Variants in AGAP9 observed in about 807,000 individuals in gnomAD.
The protein encoded by AGAP9 is arf-GAP with GTPase, ANK repeat and PH domain-containing protein 9.
A neutral mutation model predicts 55.6 loss-of-function variants in AGAP9; 23 were observed. That is an observed-to-expected ratio of 0.41 (90% CI 0.30 to 0.59). The LOEUF is 0.59. AGAP9 is among the 20% of genes least tolerant of loss of function. The pLI is 0.25. For synonymous variants in AGAP9, 120 were observed against 305.0 expected, an observed-to-expected ratio of 0.39 and a Z score of 6.32; for missense variants, 309 against 808.1, an observed-to-expected ratio of 0.38 and a Z score of 7.49.
chr10:47,519,429 T>C (rs1384941576), intron 3 of AGAP9, among the ~76,000 whole-genome samples: 3 of 122,078 alleles, frequency 2.5e-5, no homozygotes, highest in Non-Finnish European at 3.4e-5. Flanking sequence ...GATTGTGCCA[T>C]TGCACTCCAG....
In AGAP9 at chr10:47,502,749, G is replaced by A. The variant is rs2132470630; in HGVS notation, c.1380C>T (p.Ser460=). ...ACTGCAGGGCCATGGCCTCACTCTG[G>A]CTGGTCAGCTGGGACTTGCTTTTAC... is the stretch of plus-strand genomic sequence containing the variant. The part of the protein sequence containing the change: ...KSSKSKSQLT[S]QSEAMALQSI... The change falls in exon 8 of 8, where the codon AGC becomes AGT. Residue 460 remains serine, a synonymous_variant. Coordinates refer to ENST00000452145, the MANE Select transcript of AGAP9 (RefSeq NM_001190810.1). 4.4e-6 allele frequency: 7 copies of A among 1,591,170 alleles called. No homozygotes were observed. The East Asian group carries it at 1.4e-4, about 32-fold the overall frequency.
chr10:47,513,392 C>T (rs1401061267), intron 4 of AGAP9, among the ~76,000 whole-genome samples: 1 of 142,012 alleles, frequency 7.0e-6, no homozygotes, highest in Non-Finnish European at 1.5e-5. Context: ...AAGTCATGGA[C>T]ACAGACAAAT....
chr10:47,502,247 G>A lies in AGAP9; in HGVS notation c.1882C>T (p.Leu628Phe). The change falls in exon 8 of 8, where the codon CTC becomes TTC. Residue 628 changes from leucine to phenylalanine, a missense_variant. By Grantham distance (22) the Leu-to-Phe change is conservative. Coordinates refer to ENST00000452145, the MANE Select transcript of AGAP9 (RefSeq NM_001190810.1). ...TTCCCCTTGCGGCAGGCCAGATGGA[G>A]TGCCGTGCAGCCGTCTCCCTCCCCA... ...TCGEGDGCTA[L>F]HLACRKGNVV... 6.3e-7 allele frequency: 1 copy of A among 1,592,930 alleles called. No individual in the cohort carries two copies.
chr10:47,502,695 G>A lies in AGAP9; in HGVS notation c.1434C>T (p.His478=), dbSNP rs1840379925. ...GATTCTGGGTCTCACAGTCCACACAGTGGGCGTTCCCACGCATGTTTTGGA... is the reference window on the plus strand; with the variant it reads ...GATTCTGGGTCTCACAGTCCACACAATGGGCGTTCCCACGCATGTTTTGGA... ...QSIQNMRGNA[H]CVDCETQNPK... Residue 478 remains histidine, a synonymous_variant, in exon 8 of 8, where the codon CAC becomes CAT. Transcript: ENST00000452145. The A allele has an allele frequency of 2.5e-6, 4 of 1,608,526 alleles. No individual in the cohort carries two copies. Among genetic ancestry groups the A allele is most frequent in the South Asian group, 2.2e-5 (2 of 90,918 alleles).
chr10:47,502,993 G>A lies in AGAP9; in HGVS notation c.1136C>T (p.Pro379Leu), dbSNP rs2132471080. The A allele has an allele frequency of 3.8e-6, 6 of 1,563,278 alleles. No individual in the cohort carries two copies. The highest frequency in any genetic ancestry group is 5.2e-6 in the Non-Finnish European group (6 of 1,152,202). Residue 379 changes from proline to leucine, a missense_variant, in exon 8 of 8, where the codon CCC (proline) becomes CTC (leucine). Coordinates refer to ENST00000452145, the MANE Select transcript of AGAP9 (RefSeq NM_001190810.1). Reference protein sequence around the residue: ...TGLGDSICFSPGISSTTSPKL... With the variant: ...TGLGDSICFSLGISSTTSPKL... ...GGGGCTGGTGGTGCTGGAGATACCG[G>A]GGCTGAAGCATATGGAGTCACCCAG...
intron 4 of AGAP9, among the ~76,000 whole-genome samples, chr10:47,516,585 G>A (rs1840718888): frequency 7.2e-6 from 1 of 138,660 alleles, no homozygotes; most frequent in Admixed American, 7.4e-5. Flanking sequence ...ACACAAGACA[G>A]CAGTTACGTG....
In AGAP9 at chr10:47,502,228, T is replaced by C. The variant is rs1298226924; in HGVS notation, c.1901A>G (p.Lys634Arg). 3 of 1,577,386 alleles carry C rather than the reference T, an allele frequency of 1.9e-6. No individual in the cohort carries two copies. Among genetic ancestry groups the C allele is most frequent in the African/African-American group, 1.4e-5 (1 of 70,968 alleles). Residue 634 changes from lysine to arginine, a missense_variant, in exon 8 of 8, where the codon AAG becomes AGG. By Grantham distance (26) the Lys-to-Arg change is conservative. Coordinates refer to ENST00000452145, the MANE Select transcript of AGAP9 (RefSeq NM_001190810.1). ...GAGCTGCTCCAGGACCACATTCCCCTTGCGGCAGGCCAGATGGAGTGCCGT... is the reference window on the plus strand; with the variant it reads ...GAGCTGCTCCAGGACCACATTCCCCCTGCGGCAGGCCAGATGGAGTGCCGT... ...GCTALHLACR[K>R]GNVVLEQLLT...
chr10:47,513,184 G>A (rs1178175315), intron 4 of AGAP9, among the ~76,000 whole-genome samples: 137 of 143,034 alleles, frequency 9.6e-4, no homozygotes, highest in Middle Eastern at 3.6e-3. Context: ...ACAGGTGAGC[G>A]CCACCACGCC....
intron 4 of AGAP9, among the ~76,000 whole-genome samples, chr10:47,511,012 C>T (rs1274963222): frequency 1.6e-5 from 2 of 127,086 alleles, no homozygotes; most frequent in Non-Finnish European, 1.6e-5. Flanking sequence ...GGCGCGATCT[C>T]GGCTCACTGC....
chr10:47,512,296 G>GT (rs1284993125), intron 4 of AGAP9, among the ~76,000 whole-genome samples: 1 of 110,852 alleles, frequency 9.0e-6, no homozygotes, highest in Admixed American at 9.9e-5. Context: ...GACTTCTGCT[G>GT]TACCTGCTGC....
intron 2 of AGAP9, among the ~76,000 whole-genome samples, chr10:47,521,501 T>A (rs1462363425): frequency 2.8e-5 from 4 of 140,564 alleles, no homozygotes; most frequent in African/African-American, 1.1e-4. Flanking sequence ...AACCAAAGTT[T>A]AAATAGAAGA....
rs1253600561 is a variant in AGAP9, at chr10:47,503,253, T to C, written c.876A>G (p.Arg292=). The C allele has an allele frequency of 6.5e-7, 1 of 1,544,962 alleles. No homozygotes were observed. Among genetic ancestry groups the C allele is most frequent in the Admixed American group, 1.8e-5 (1 of 56,146 alleles). The change falls in exon 8 of 8, where the codon CGA becomes CGG. Residue 292 remains arginine (R), a synonymous_variant. Coordinates refer to ENST00000452145, the MANE Select transcript of AGAP9 (RefSeq NM_001190810.1). The part of the protein sequence containing the change: ...IPIKQGMLLK[R]SGKWLKTWKK... ...TCCATGTCTTCAGCCATTTTCCACT[T>C]CGCTTTAAGAGCATGCCCTGTTTAA...
intron 2 of AGAP9, among the ~76,000 whole-genome samples, chr10:47,520,978 T>C (rs1840816652): frequency 8.6e-6 from 1 of 115,908 alleles, no homozygotes; most frequent in African/African-American, 4.0e-5. Flanking sequence ...TAAGATGTAT[T>C]CTAGAGTTTT....
intron 4 of AGAP9, among the ~76,000 whole-genome samples, chr10:47,513,137 C>T (rs1419639599): frequency 1.7e-3 from 247 of 148,392 alleles, no homozygotes; most frequent in African/African-American, 5.8e-3. Flanking sequence ...GAGGTTCAAG[C>T]GATTCTCCTG....
In AGAP9 at chr10:47,521,264, T is replaced by G. The variant is rs1283884924; in HGVS notation, c.293-697A>C. Among the ~76,000 whole-genome samples, 120 of 136,676 alleles carry G rather than the reference T, an allele frequency of 8.8e-4. 9 individuals carry two copies. The highest frequency in any genetic ancestry group is 3.0e-3 in the African/African-American group (104 of 34,326). 89.7% of individuals were successfully genotyped at this position (136,676 alleles called of 152,430 possible). ...CCAACACTACCCATCTACTAACTGG[T>G]GTGTAACATCCATCAGGCTTTCCAA... On this transcript the variant is annotated intron_variant, in intron 2 of 7. Coordinates refer to ENST00000452145, the MANE Select transcript of AGAP9 (RefSeq NM_001190810.1).
chr10:47,508,055 C>G (rs1840519924), intron 5 of AGAP9, among the ~76,000 whole-genome samples: 1 of 133,484 alleles, frequency 7.5e-6, no homozygotes, highest in African/African-American at 2.7e-5. Flanking sequence ...CCACTATGCC[C>G]AGATAATTTT....
At chr10:47,506,793 C>G (rs1387656286) in intron 6 of AGAP9, among the ~76,000 whole-genome samples, 3 of 143,674 alleles carry the variant, frequency 2.1e-5, no homozygotes, top group Non-Finnish European at 4.6e-5. Context: ...GTGCGTGCCA[C>G]CATGCCCAGC....
intron 4 of AGAP9, among the ~76,000 whole-genome samples, chr10:47,514,205 G>GC (rs1840685696): frequency 6.8e-6 from 1 of 146,558 alleles, no homozygotes; most frequent in South Asian, 2.1e-4. Flanking sequence ...CAGCCCAAAT[G>GC]CCCATCAGTC....
Position 47,503,169 on chromosome 10 carries a change from A to G in AGAP9, c.960T>C (p.Gly320=), listed in dbSNP as rs1275770312. ...TTTTATGAATATTCTTCATATAATC[A>G]CCTAAGCTTGAATAATAGGTGAGCA... ...NGVLTYYSSL[G]DYMKNIHKKE... is the part of the protein sequence containing the mutation. The change falls in exon 8 of 8, where the codon GGT becomes GGC. Residue 320 remains glycine, a synonymous_variant. Transcript: ENST00000452145. 149 of 1,607,224 alleles carry G rather than the reference A, an allele frequency of 9.3e-5. 1 individual carries two copies. Among genetic ancestry groups the G allele is most frequent in the South Asian group, 1.9e-4 (17 of 90,856 alleles).
Sources: allele counts gnomAD v4.1 joint callset (sites outside exome capture counted in the v4.1 genomes callset), GRCh38; gene constraint gnomAD v4.1.1; transcripts MANE v1.5; gene names NCBI Gene and HGNC (gene_info 2026-07-23, HGNC 2026-07-21).